PLEKHM3: variants seen among roughly 807,000 people sequenced by gnomAD.
The protein encoded by PLEKHM3 is pleckstrin homology domain-containing family M member 3.
A neutral mutation model predicts 81.8 loss-of-function variants in PLEKHM3; 45 were observed. The observed-to-expected ratio is 0.55, with a 90% CI of 0.43 to 0.71. The LOEUF (loss-of-function observed/expected upper bound fraction) is 0.71. Among genes scored for constraint, PLEKHM3 ranks in the 30% least tolerant of loss-of-function variants. The probability of loss-of-function intolerance (pLI) is 0.00; values close to 1 mark genes in which losing one functional copy is unlikely to be tolerated. For missense variants in PLEKHM3, 788 were observed against 924.3 expected (o/e 0.85, Z 1.91); for synonymous variants, 352 against 356.4 (o/e 0.99, Z 0.14).
chr2:207,955,879 AG>A (rs1482678349), intron 3 of PLEKHM3, among the ~76,000 whole-genome samples: 1 of 152,236 alleles, frequency 6.6e-6, no homozygotes, highest in African/African-American at 2.4e-5. Flanking sequence ...ATGAAGGGTG[AG>A]GGGAAGAAGA....
chr2:207,876,085 A>T (rs2092558534), intron 6 of PLEKHM3, among the ~76,000 whole-genome samples: 2 of 152,220 alleles, frequency 1.3e-5, no homozygotes. Context: ...ATTGTCTGGA[A>T]GGACACAGAC....
chr2:207,970,394 A>G (rs1384691149), intron 3 of PLEKHM3, among the ~76,000 whole-genome samples: 1 of 151,106 alleles, frequency 6.6e-6, no homozygotes, highest in Non-Finnish European at 1.5e-5. Flanking sequence ...CAATTAGCCC[A>G]GGCAGCAGGG....
At position 207,828,415 on chromosome 2, in the gene PLEKHM3, C is replaced by T; in HGVS notation, c.2190G>A (p.Leu730=). ...GCCAGAAAGACTTCTGCTTCTTCTGCAGCTCTCGGCGAACACACCTCGGGC... is the reference window on the plus strand; with the variant it reads ...GCCAGAAAGACTTCTGCTTCTTCTGTAGCTCTCGGCGAACACACCTCGGGC... ...VPCPRCVRRE[L]QKKQKSFWQR... The change falls in exon 8 of 8, where the codon CTG becomes CTA. Residue 730 remains leucine, a synonymous_variant. Transcript: ENST00000427836. 8.7e-6 allele frequency: 14 copies of T among 1,614,092 alleles called. No individual in the cohort carries two copies. Among genetic ancestry groups the T allele is most frequent in the Non-Finnish European group, 1.2e-5 (14 of 1,180,016 alleles).
chr2:207,853,417 CAA>C (rs752381538), intron 7 of PLEKHM3, among the ~76,000 whole-genome samples: 4 of 114,166 alleles, frequency 3.5e-5, no homozygotes, highest in Non-Finnish European at 3.7e-5. Context: ...AACTTCGTCT[CAA>C]AAAAAAAAAA....
chr2:207,871,483 C>A (rs200391912), intron 6 of PLEKHM3, among the ~76,000 whole-genome samples: 1 of 152,158 alleles, frequency 6.6e-6, no homozygotes, highest in East Asian at 1.9e-4. Flanking sequence ...TGGCCACCAT[C>A]ACTCCTATCA....
intron 3 of PLEKHM3, among the ~76,000 whole-genome samples, chr2:207,963,702 G>A (rs572757065): frequency 2.0e-4 from 30 of 152,124 alleles, no homozygotes; most frequent in Non-Finnish European, 4.1e-4. Context: ...TAAAGAATTC[G>A]GGCTAACTCC....
intron 4 of PLEKHM3, among the ~76,000 whole-genome samples, chr2:207,943,887 A>G (rs1170394604): frequency 2.6e-5 from 4 of 151,676 alleles, no homozygotes; most frequent in African/African-American, 7.2e-5. Context: ...AAAAAAAAAA[A>G]AAAAGAAATG....
At chr2:207,834,102 C>T (rs933731883) in intron 7 of PLEKHM3, among the ~76,000 whole-genome samples, 4 of 151,626 alleles carry the variant, frequency 2.6e-5, no homozygotes, top group African/African-American at 9.7e-5. Context: ...CTGTCACTCC[C>T]TATCAACTCA....
chr2:207,931,246 G>A, intron 4 of PLEKHM3, 127 bp from the exon 5 acceptor site: 1 of 886,202 alleles, frequency 1.1e-6, no homozygotes, highest in South Asian at 2.0e-5. Flanking sequence ...AAATGAAAAA[G>A]TCTGTAGTTG....
chr2:207,964,918 T>G (rs1192420118), intron 3 of PLEKHM3, among the ~76,000 whole-genome samples: 1 of 152,214 alleles, frequency 6.6e-6, no homozygotes, highest in South Asian at 2.1e-4. Context: ...CCAAGTTTGC[T>G]GAATGTACAA....
intron 6 of PLEKHM3, among the ~76,000 whole-genome samples, chr2:207,889,252 G>A (rs962899882): frequency 6.6e-6 from 1 of 152,068 alleles, no homozygotes; most frequent in South Asian, 2.1e-4. Flanking sequence ...TGGTGGGGCC[G>A]TGACTTCCTA....
chr2:208,017,858 C>T (rs1692976411), intron 1 of PLEKHM3, among the ~76,000 whole-genome samples: 1 of 152,212 alleles, frequency 6.6e-6, no homozygotes, highest in Non-Finnish European at 1.5e-5. Flanking sequence ...CCACTCTTTC[C>T]ACTGCTCTCA....
intron 7 of PLEKHM3, among the ~76,000 whole-genome samples, chr2:207,834,453 T>A (rs1235248945): frequency 8.2e-6 from 1 of 122,530 alleles, no homozygotes; most frequent in Non-Finnish European, 1.7e-5. Context: ...TTTTTTGAGA[T>A]GGAGTTTTGC....
chr2:207,989,215 G>A (rs911205789), intron 2 of PLEKHM3, among the ~76,000 whole-genome samples: 2 of 152,212 alleles, frequency 1.3e-5, no homozygotes, highest in South Asian at 4.1e-4. Context: ...ATCAGACACA[G>A]ATCGTGTCAA....
chr2:207,875,058 A>T (rs1002278740), intron 6 of PLEKHM3, among the ~76,000 whole-genome samples: 6 of 152,016 alleles, frequency 3.9e-5, no homozygotes, highest in Non-Finnish European at 8.8e-5. Flanking sequence ...TAGATGCTAT[A>T]AAAAAGTAAT....
At chr2:207,874,067 A>G (rs2092548245) in intron 6 of PLEKHM3, among the ~76,000 whole-genome samples, 1 of 152,204 alleles carries the variant, frequency 6.6e-6, no homozygotes, top group Admixed American at 6.5e-5. Context: ...AGTGATTACA[A>G]TTTCACATGT....
chr2:208,012,910 T>C (rs1460632030), intron 1 of PLEKHM3, among the ~76,000 whole-genome samples: 1 of 152,244 alleles, frequency 6.6e-6, no homozygotes, highest in African/African-American at 2.4e-5. Flanking sequence ...CAAGCATTTA[T>C]AGAGGACGGA....
At chr2:208,008,613 T>C (rs1312290798) in intron 1 of PLEKHM3, among the ~76,000 whole-genome samples, 1 of 152,042 alleles carries the variant, frequency 6.6e-6, no homozygotes, top group African/African-American at 2.4e-5. Flanking sequence ...ACTTCTCTTC[T>C]ATAGCCACCA....
At chr2:208,011,785 CTTTTTTT>C (rs1177948830) in intron 1 of PLEKHM3, among the ~76,000 whole-genome samples, 402 of 79,878 alleles carry the variant, frequency 5.0e-3, no homozygotes, top group East Asian at 0.02. Context: ...CTCTGATAAA[CTTTTTTT>C]TTTTTTTTTT....
Sources: gnomAD v4.1 joint callset for allele counts (sites outside exome capture counted in the v4.1 genomes callset) on GRCh38, gnomAD v4.1.1 for gene constraint, MANE v1.5 for transcripts, NCBI Gene and HGNC (gene_info 2026-07-23, HGNC 2026-07-21) for gene names.